Variants in KDM2A observed in about 807,000 individuals in gnomAD.
KDM2A encodes the protein lysine-specific demethylase 2A.
In KDM2A, 3 loss-of-function variants were observed where a neutral mutation model predicts 137.3. That is an observed-to-expected ratio of 0.02 (90% CI 0.01 to 0.06). KDM2A has a LOEUF of 0.06. Among genes scored for constraint, KDM2A ranks in the 10% least tolerant of loss-of-function variants. The pLI, the probability that KDM2A is intolerant of heterozygous loss-of-function variation, is 1.00. For missense variants in KDM2A, 738 were observed against 1,510.6 expected, an observed-to-expected ratio of 0.49 and a Z score of 8.48; for synonymous variants, 512 against 541.5, an observed-to-expected ratio of 0.95 and a Z score of 0.76.
chr11:67,233,651 T>TCAA (rs148508658), intron 12 of KDM2A, among the ~76,000 whole-genome samples: 2 of 123,960 alleles, frequency 1.6e-5, no homozygotes, highest in African/African-American at 6.0e-5. Context: ...AAACCCTGTC[T>TCAA]CAACAACAAC....
chr11:67,159,787 A>G (rs1217761021), intron 2 of KDM2A, among the ~76,000 whole-genome samples: 1 of 152,170 alleles, frequency 6.6e-6, no homozygotes, highest in Non-Finnish European at 1.5e-5. Flanking sequence ...GAGTTTGAAG[A>G]CAATAGTGGG....
chr11:67,157,295 C>T (rs188028725), intron 2 of KDM2A, among the ~76,000 whole-genome samples: 21 of 133,348 alleles, frequency 1.6e-4, no homozygotes, highest in Non-Finnish European at 2.2e-4. Flanking sequence ...CCAGCCTGGG[C>T]GACAGAGCAA....
chr11:67,199,188 C>T (rs1857558923), intron 5 of KDM2A, among the ~76,000 whole-genome samples: 1 of 152,196 alleles, frequency 6.6e-6, no homozygotes, highest in Admixed American at 6.5e-5. Flanking sequence ...TGCTTTGCCA[C>T]ATTGCTATTC....
intron 5 of KDM2A, 147 bp from the exon 6 acceptor site, chr11:67,207,361 TTA>T (rs1857835000): frequency 1.9e-6 from 1 of 523,244 alleles, no homozygotes. Flanking sequence ...TGTGATTTGA[TTA>T]TGATTGTTGA....
chr11:67,141,093 C>T (rs889423793), intron 2 of KDM2A, among the ~76,000 whole-genome samples: 4 of 152,106 alleles, frequency 2.6e-5, no homozygotes, highest in African/African-American at 4.8e-5. Context: ...TGTCACTCCA[C>T]GTTGTCTCAT....
rs1445806242 is a variant in KDM2A at position 67,243,031 on chromosome 11, A to G, written c.1502A>G (p.Asn501Ser). The G allele has an allele frequency of 6.2e-7, 1 of 1,613,640 alleles. No homozygotes were observed. The highest frequency in any genetic ancestry group is 2.2e-5 in the East Asian group (1 of 44,894). ...DVKILLEELA[N>S]SDPKLALTGV... The stretch of plus-strand genomic sequence containing the variant: ...TAGATTTTGCTGGAGGAGCTTGCCA[A>G]CAGCGATCCCAAGTTAGCCCTCACT... Residue 501 changes from asparagine (N) to serine (S), a missense_variant, in exon 13 of 21, where the codon AAC becomes AGC. Coordinates refer to ENST00000529006, the MANE Select transcript of KDM2A (RefSeq NM_012308.3).
chr11:67,250,268 C>T lies in KDM2A; in HGVS notation c.2238C>T (p.Ser746=), dbSNP rs1408586963. 8 of 1,613,702 alleles carry T rather than the reference C, an allele frequency of 5.0e-6. No individual in the cohort carries two copies. The highest frequency in any genetic ancestry group is 3.3e-5 in the South Asian group (3 of 91,082). The part of the protein sequence containing the change: ...VTRSSPGAGP[S]DHHSASRDER... Reference sequence around the variant, plus strand: ...GGTCATCCCCTGGGGCTGGCCCCAGCGACCACCACAGTGCCAGCCGCGATG... The same window carrying T: ...GGTCATCCCCTGGGGCTGGCCCCAGTGACCACCACAGTGCCAGCCGCGATG... The change falls in exon 17 of 21, where the codon AGC becomes AGT. Residue 746 remains serine (S), a synonymous_variant. Transcript: ENST00000529006. The surrounding 1 kb of genome is among the most constrained non-coding windows in gnomAD (Gnocchi z 7.1).
intron 10 of KDM2A, among the ~76,000 whole-genome samples, chr11:67,224,528 C>T (rs1184545872): frequency 2.4e-5 from 3 of 123,872 alleles, no homozygotes; most frequent in African/African-American, 6.5e-5. Flanking sequence ...TGCAGTGGTG[C>T]GATCTCAGCT....
intron 2 of KDM2A, among the ~76,000 whole-genome samples, chr11:67,144,286 C>T (rs1186178575): frequency 1.4e-5 from 2 of 141,928 alleles, no homozygotes; most frequent in Admixed American, 7.1e-5. Flanking sequence ...GAGTCTCACT[C>T]TTGTTGCCCA....
intron 12 of KDM2A, among the ~76,000 whole-genome samples, chr11:67,241,736 T>C (rs1859048524): frequency 6.6e-6 from 1 of 152,162 alleles, no homozygotes; most frequent in Admixed American, 6.5e-5. Context: ...AGGATTCCAT[T>C]ATACTAGAAG....
chr11:67,186,619 T>A (rs958210992), intron 5 of KDM2A, among the ~76,000 whole-genome samples: 11 of 152,254 alleles, frequency 7.2e-5, no homozygotes, highest in Admixed American at 2.0e-4. Context: ...AGTATTATCT[T>A]AACAATGGCT....
chr11:67,152,557 G>A (rs572537590), intron 2 of KDM2A, among the ~76,000 whole-genome samples: 1 of 151,958 alleles, frequency 6.6e-6, no homozygotes, highest in African/African-American at 2.4e-5. Flanking sequence ...GCAGTGATCT[G>A]TGATCATGCC....
chr11:67,156,248 C>CA (rs767497410), intron 2 of KDM2A, among the ~76,000 whole-genome samples: 3,616 of 108,722 alleles, frequency 0.033, 136 homozygotes, highest in African/African-American at 0.1. Flanking sequence ...AACTCCGTCT[C>CA]AAAAAAAAAA....
At chr11:67,222,941 C>T (rs903837579) in intron 10 of KDM2A, among the ~76,000 whole-genome samples, 4 of 150,640 alleles carry the variant, frequency 2.7e-5, no homozygotes, top group African/African-American at 4.9e-5. Context: ...CACCTGTAAT[C>T]CCAACACTTT....
chr11:67,160,944 A>G lies in KDM2A; in HGVS notation c.43-19135A>G, dbSNP rs76731458. Among the ~76,000 whole-genome samples, 427 of 152,334 alleles carry G rather than the reference A, an allele frequency of 2.8e-3. 5 individuals carry two copies. Among genetic ancestry groups the G allele is most frequent in the African/African-American group, 9.9e-3 (410 of 41,580 alleles). ...GAAACAGCCAGAGCCTGTCTCTAAA[A>G]ATAAATAAATAATTAATGAACAAAA... On this transcript the variant is annotated intron_variant, in intron 2 of 20. Coordinates refer to ENST00000529006, the MANE Select transcript of KDM2A (RefSeq NM_012308.3).
At chr11:67,192,180 T>C (rs1857370829) in intron 5 of KDM2A, among the ~76,000 whole-genome samples, 1 of 151,860 alleles carries the variant, frequency 6.6e-6, no homozygotes, top group African/African-American at 2.4e-5. Context: ...ATTCTTCCCA[T>C]TTTCAATCCC....
intron 15 of KDM2A, among the ~76,000 whole-genome samples, chr11:67,247,067 ATATATTTTT>A (rs1859260058): frequency 7.3e-5 from 2 of 27,518 alleles, no homozygotes; most frequent in Admixed American, 5.7e-4. Context: ...ATATATATAT[ATATATTTTT>A]TTTTTTTTTT....
intron 12 of KDM2A, among the ~76,000 whole-genome samples, chr11:67,241,776 C>T (rs1229751608): frequency 6.6e-6 from 1 of 152,130 alleles, no homozygotes; most frequent in Non-Finnish European, 1.5e-5. Context: ...CTGTCTAAAA[C>T]GAAAAGATTT....
chr11:67,237,433 A>C (rs1223202116), intron 12 of KDM2A, among the ~76,000 whole-genome samples: 1 of 151,032 alleles, frequency 6.6e-6, no homozygotes, highest in Non-Finnish European at 1.5e-5. Flanking sequence ...AATGTTTTTA[A>C]ATTTTTCTTT....
Sources: gnomAD v4.1 joint callset for allele counts (sites outside exome capture counted in the v4.1 genomes callset) on GRCh38, gnomAD v4.1.1 for gene constraint, Gnocchi (gnomAD v3.1) non-coding constraint, MANE v1.5 for transcripts, NCBI Gene and HGNC (gene_info 2026-07-23, HGNC 2026-07-21) for gene names.